Variants in STK32B observed in about 807,000 individuals in gnomAD.
STK32B encodes the protein serine/threonine kinase 32B, also known as serine/threonine-protein kinase 32B.
STK32B carries 43 observed loss-of-function variants against 52.6 expected under a neutral mutation model. The ratio of observed to expected loss-of-function variants is 0.82; its 90% confidence interval spans 0.64 to 1.05. The LOEUF is 1.05. STK32B is among the 50% of genes least tolerant of loss of function. STK32B has a pLI of 0.00. For synonymous variants in STK32B, 238 were observed against 204.3 expected, an observed-to-expected ratio of 1.17 and a Z score of -1.41; for missense variants, 621 against 534.6, an observed-to-expected ratio of 1.16 and a Z score of -1.59.
chr4:5,193,544 A>G (rs1275963602), intron 3 of STK32B, among the ~76,000 whole-genome samples: 1 of 152,194 alleles, frequency 6.6e-6, no homozygotes, highest in African/African-American at 2.4e-5. Context: ...GCCTGCAGAG[A>G]TGGTCAGCAG....
intron 3 of STK32B, among the ~76,000 whole-genome samples, chr4:5,177,339 T>C (rs1249351445): frequency 2.0e-5 from 3 of 152,158 alleles, no homozygotes; most frequent in Non-Finnish European, 4.4e-5. Flanking sequence ...GAGAACTCAG[T>C]ATCACCAGAA....
intron 3 of STK32B, among the ~76,000 whole-genome samples, chr4:5,308,385 C>T (rs1730068656): frequency 1.3e-5 from 2 of 152,170 alleles, no homozygotes; most frequent in South Asian, 4.1e-4. Context: ...GCAAGTTAGT[C>T]CTGCCTCCTA....
At chr4:5,227,717 G>A (rs1030050752) in intron 3 of STK32B, among the ~76,000 whole-genome samples, 4 of 152,186 alleles carry the variant, frequency 2.6e-5, no homozygotes, top group African/African-American at 9.7e-5. Flanking sequence ...CCCCCCTGGA[G>A]AGAAGTACTT....
intron 3 of STK32B, among the ~76,000 whole-genome samples, chr4:5,251,598 T>C (rs531188841): frequency 1.2e-4 from 19 of 152,328 alleles, no homozygotes; most frequent in African/African-American, 4.6e-4. Flanking sequence ...TTTATAATTT[T>C]TTTAATTCCA....
chr4:5,089,287 C>A (rs1712916895), intron 1 of STK32B, among the ~76,000 whole-genome samples: 1 of 151,950 alleles, frequency 6.6e-6, no homozygotes, highest in Non-Finnish European at 1.5e-5. Flanking sequence ...TATACCTGTG[C>A]CATGGTGGTT....
At chr4:5,069,736 T>C (rs1434161850) in intron 1 of STK32B, among the ~76,000 whole-genome samples, 2 of 152,356 alleles carry the variant, frequency 1.3e-5, no homozygotes, top group Non-Finnish European at 2.9e-5. Flanking sequence ...ATAAGTACTA[T>C]ATAAGATTTA....
At chr4:5,364,672 CT>C (rs1734763418) in intron 4 of STK32B, among the ~76,000 whole-genome samples, 1 of 152,084 alleles carries the variant, frequency 6.6e-6, no homozygotes, top group Non-Finnish European at 1.5e-5. Context: ...GGGACAGCCC[CT>C]CTAGAATCAT....
chr4:5,143,014 A>C (rs1027417151), intron 2 of STK32B, among the ~76,000 whole-genome samples: 1 of 152,214 alleles, frequency 6.6e-6, no homozygotes, highest in Non-Finnish European at 1.5e-5. Context: ...GCCTGCCAGC[A>C]TGCCCTGTAA....
chr4:5,174,796 C>T (rs760644010), intron 3 of STK32B, among the ~76,000 whole-genome samples: 1 of 152,066 alleles, frequency 6.6e-6, no homozygotes, highest in South Asian at 2.1e-4. Flanking sequence ...TTGCTCTTCT[C>T]GAGGAGTATC....
the STK32B span, among the ~76,000 whole-genome samples, chr4:5,025,925 A>T: frequency 6.6e-6 from 1 of 152,206 alleles, no homozygotes; most frequent in Non-Finnish European, 1.5e-5. Context: ...AATGTGAAGT[A>T]CGCTTGTCTC....
Position 5,051,920 on chromosome 4 carries a change from G to C in STK32B, c.52+5G>C. 3.1e-6 allele frequency: 5 copies of C among 1,592,674 alleles called. No individual in the cohort carries two copies. Among genetic ancestry groups the C allele is most frequent in the Non-Finnish European group, 4.3e-6 (5 of 1,170,034 alleles). On this transcript the variant is annotated splice_donor_5th_base_variant and intron_variant, in intron 1 of 11. Transcript: ENST00000282908. The stretch of plus-strand genomic sequence containing the variant: ...TGTTTGACGAGAATGAGGAAGGTAA[G>C]AGAGCGAGAGGTGCGAATTCCCGCT...
chr4:5,080,175 A>G (rs938445627), intron 1 of STK32B, among the ~76,000 whole-genome samples: 1 of 152,110 alleles, frequency 6.6e-6, no homozygotes, highest in Non-Finnish European at 1.5e-5. Context: ...CCCTATTACT[A>G]TCAGTGAAGA....
intron 11 of STK32B, among the ~76,000 whole-genome samples, chr4:5,483,084 G>C (rs1350215800): frequency 6.6e-6 from 1 of 152,044 alleles, no homozygotes; most frequent in Non-Finnish European, 1.5e-5. Flanking sequence ...TTTGGTATCA[G>C]GATGATGCTG....
intron 6 of STK32B, among the ~76,000 whole-genome samples, chr4:5,435,165 G>A (rs195120): frequency 0.069 from 10,575 of 152,264 alleles, 455 homozygotes; most frequent in Middle Eastern, 0.15. Context: ...ATAGATTCAG[G>A]GTTGGCCATT....
intron 3 of STK32B, among the ~76,000 whole-genome samples, chr4:5,172,906 C>A (rs1163216370): frequency 6.6e-6 from 1 of 152,260 alleles, no homozygotes; most frequent in Middle Eastern, 3.4e-3. Context: ...CCTTGTACCT[C>A]TAGTAGAATT....
At chr4:5,141,647 G>T (rs1233117389) in intron 2 of STK32B, among the ~76,000 whole-genome samples, 1 of 152,178 alleles carries the variant, frequency 6.6e-6, no homozygotes, top group African/African-American at 2.4e-5. Flanking sequence ...GTGGGGAGAG[G>T]AGGTGGTGGC....
intron 2 of STK32B, among the ~76,000 whole-genome samples, chr4:5,142,491 C>G (rs1716552240): frequency 6.6e-6 from 1 of 152,196 alleles, no homozygotes; most frequent in Admixed American, 6.5e-5. Context: ...AGCTTCTTGC[C>G]TTTTCAGAAT....
chr4:5,120,793 G>T (rs1433482172), intron 1 of STK32B, among the ~76,000 whole-genome samples: 1 of 151,516 alleles, frequency 6.6e-6, no homozygotes, highest in Admixed American at 6.6e-5. Context: ...TTACATATGT[G>T]TATGAAATAT....
chr4:5,452,733 C>A (rs547192029), intron 7 of STK32B, among the ~76,000 whole-genome samples: 12 of 152,098 alleles, frequency 7.9e-5, no homozygotes, highest in Non-Finnish European at 1.5e-5. Flanking sequence ...GACAGACATC[C>A]GGCAATTCTT....
Sources: allele counts gnomAD v4.1 joint callset (sites outside exome capture counted in the v4.1 genomes callset), GRCh38; gene constraint gnomAD v4.1.1; transcripts MANE v1.5; gene names NCBI Gene and HGNC (gene_info 2026-07-23, HGNC 2026-07-21).